The following ARL15 variants were observed in gnomAD, a reference collection of about 807,000 sequenced individuals.
ARL15 encodes the protein ARF like GTPase 15, also known as ADP-ribosylation factor-like protein 15.
Under a neutral mutation model 25.2 loss-of-function variants are expected in ARL15, and 19 were observed. The observed-to-expected ratio is 0.75, with a 90% CI of 0.53 to 1.10. ARL15 has a LOEUF of 1.10. ARL15 is among the 50% of genes least tolerant of loss of function. ARL15 has a pLI of 0.00. For missense variants in ARL15, 220 were observed against 246.0 expected, an observed-to-expected ratio of 0.89 and a Z score of 0.71; for synonymous variants, 94 against 86.8, an observed-to-expected ratio of 1.08 and a Z score of -0.46.
intron 1 of ARL15, among the ~76,000 whole-genome samples, chr5:54,221,865 A>ACC (rs1486604695): frequency 6.8e-6 from 1 of 147,330 alleles, no homozygotes; most frequent in Non-Finnish European, 1.5e-5. Context: ...ACACACACAC[A>ACC]CACACAAAAC....
intron 4 of ARL15, among the ~76,000 whole-genome samples, chr5:53,954,540 T>C (rs576797504): frequency 1.3e-5 from 2 of 152,352 alleles, no homozygotes; most frequent in Admixed American, 1.3e-4. Flanking sequence ...ATTTCATGTC[T>C]GCCACAGAAC....
At chr5:53,947,188 G>A (rs981249516) in intron 4 of ARL15, among the ~76,000 whole-genome samples, 5 of 148,268 alleles carry the variant, frequency 3.4e-5, no homozygotes, top group East Asian at 2.0e-4. Flanking sequence ...GTGTGTGTGT[G>A]TGTGTGTGTG....
intron 4 of ARL15, among the ~76,000 whole-genome samples, chr5:54,031,684 C>G (rs1246860971): frequency 6.6e-6 from 1 of 152,068 alleles, no homozygotes; most frequent in African/African-American, 2.4e-5. Context: ...CAAAATATAC[C>G]ACCATTCATG....
intron 3 of ARL15, among the ~76,000 whole-genome samples, chr5:54,115,486 CA>C (rs1356171327): frequency 1.3e-5 from 2 of 152,072 alleles, no homozygotes; most frequent in Non-Finnish European, 2.9e-5. Context: ...TATCAGTAGC[CA>C]AACAGCTCCC....
intron 1 of ARL15, among the ~76,000 whole-genome samples, chr5:54,279,269 C>G (rs1478256423): frequency 6.7e-6 from 1 of 150,094 alleles, no homozygotes; most frequent in Non-Finnish European, 1.5e-5. Context: ...TTTTTTTCTC[C>G]TCCCTGTGTT....
At chr5:53,995,728 G>A (rs1026973698) in intron 4 of ARL15, among the ~76,000 whole-genome samples, 6 of 152,052 alleles carry the variant, frequency 3.9e-5, no homozygotes, top group Non-Finnish European at 8.8e-5. Flanking sequence ...CTCCCTTTTC[G>A]GGGGTTGGCC....
chr5:54,310,124 A>C (rs1758857494), intron 1 of ARL15, among the ~76,000 whole-genome samples: 1 of 152,190 alleles, frequency 6.6e-6, no homozygotes, highest in African/African-American at 2.4e-5. Context: ...GAGGGAAGCC[A>C]GGAAGCCGAT....
At chr5:53,988,602 C>T (rs938077816) in intron 4 of ARL15, among the ~76,000 whole-genome samples, 1 of 152,134 alleles carries the variant, frequency 6.6e-6, no homozygotes, top group Non-Finnish European at 1.5e-5. Flanking sequence ...TAATTTATTA[C>T]TGAATACATT....
At chr5:54,198,225 A>G (rs1323155719) in intron 1 of ARL15, among the ~76,000 whole-genome samples, 1 of 152,150 alleles carries the variant, frequency 6.6e-6, no homozygotes, top group African/African-American at 2.4e-5. Flanking sequence ...ATTCCCTTTG[A>G]AAACTGGCAC....
intron 1 of ARL15, among the ~76,000 whole-genome samples, chr5:54,215,218 GTT>G (rs543806721): frequency 1.3e-5 from 2 of 149,380 alleles, no homozygotes; most frequent in African/African-American, 4.9e-5. Context: ...CTGTCTTAAA[GTT>G]TTTTTTTTTT....
chr5:54,014,344 C>T (rs535310126), intron 4 of ARL15, among the ~76,000 whole-genome samples: 2 of 152,228 alleles, frequency 1.3e-5, no homozygotes, highest in East Asian at 1.9e-4. Context: ...TATCTTGTAC[C>T]TATTGCAGAA....
At chr5:54,176,351 C>T (rs1384036115) in intron 1 of ARL15, among the ~76,000 whole-genome samples, 1 of 152,224 alleles carries the variant, frequency 6.6e-6, no homozygotes, top group East Asian at 1.9e-4. Flanking sequence ...CAGTATGCTA[C>T]TTCCAATGGG....
At chr5:53,979,832 TGTGTGTGTGTGTGTGTGTGTG>T (rs1748063108) in intron 4 of ARL15, among the ~76,000 whole-genome samples, 4 of 258 alleles carry the variant, frequency 0.016, no homozygotes, top group Admixed American at 0.091. Flanking sequence ...AAGTCTTTTG[TGTGTGTGTGTGTGTGTGTGTG>T]TGTGTGTGTG....
At chr5:54,064,831 C>G (rs564641716) in intron 4 of ARL15, among the ~76,000 whole-genome samples, 3 of 152,102 alleles carry the variant, frequency 2.0e-5, no homozygotes, top group Admixed American at 2.0e-4. Context: ...AACTTATATG[C>G]AGATAAAAAA....
At chr5:54,186,147 C>A (rs1755229416) in intron 1 of ARL15, among the ~76,000 whole-genome samples, 1 of 152,156 alleles carries the variant, frequency 6.6e-6, no homozygotes, top group Admixed American at 6.5e-5. Context: ...TAGACCTAGA[C>A]AAAAGCATAA....
intron 3 of ARL15, among the ~76,000 whole-genome samples, chr5:54,115,643 T>C (rs1041140938): frequency 1.3e-5 from 2 of 152,170 alleles, no homozygotes; most frequent in African/African-American, 4.8e-5. Context: ...GATTTCACCA[T>C]TATACTATAC....
At chr5:54,306,391 C>CTTTTTTTTTTTTTTTTTTTTTTT (rs11338403) in intron 1 of ARL15, among the ~76,000 whole-genome samples, 1 of 134,516 alleles carries the variant, frequency 7.4e-6, no homozygotes, top group Non-Finnish European at 1.6e-5. Flanking sequence ...AATACGTTAA[C>CTTTTTTTTTTTTTTTTTTTTTTT]TTTTTTTTTT....
At chr5:54,162,826 C>T (rs1754446041) in intron 2 of ARL15, among the ~76,000 whole-genome samples, 1 of 152,172 alleles carries the variant, frequency 6.6e-6, no homozygotes, top group Admixed American at 6.5e-5. Flanking sequence ...AAATTTTCTA[C>T]TTTAACAATC....
At chr5:54,024,755 A>G (rs571186659) in intron 4 of ARL15, among the ~76,000 whole-genome samples, 1 of 152,316 alleles carries the variant, frequency 6.6e-6, no homozygotes, top group East Asian at 1.9e-4. Flanking sequence ...CTGGATAAAG[A>G]ATTTGTAGTG....
Sources: gnomAD v4.1 joint callset for allele counts (sites outside exome capture counted in the v4.1 genomes callset) on GRCh38, gnomAD v4.1.1 for gene constraint, MANE v1.5 for transcripts, NCBI Gene and HGNC (gene_info 2026-07-23, HGNC 2026-07-21) for gene names.